PLXDC2: variants seen among roughly 807,000 people sequenced by gnomAD.
The protein encoded by PLXDC2 is plexin domain containing 2, also known as plexin domain-containing protein 2.
A neutral mutation model predicts 68.9 loss-of-function variants in PLXDC2; 40 were observed. The ratio of observed to expected loss-of-function variants is 0.58; its 90% CI spans 0.45 to 0.76. The LOEUF is 0.76. Among genes scored for constraint, PLXDC2 ranks in the 30% least tolerant of loss-of-function variants. The pLI is 0.00. For missense variants in PLXDC2, 644 were observed against 661.9 expected (o/e 0.97, Z 0.30); for synonymous variants, 243 against 234.2 (o/e 1.04, Z -0.34).
At chr10:19,906,339 A>G (rs1833157968) in intron 1 of PLXDC2, among the ~76,000 whole-genome samples, 1 of 152,206 alleles carries the variant, frequency 6.6e-6, no homozygotes, top group Non-Finnish European at 1.5e-5. Flanking sequence ...ACGCAGGGCC[A>G]CGTGGGGAAG....
At chr10:20,146,336 T>G (rs1323344951) in intron 5 of PLXDC2, among the ~76,000 whole-genome samples, 3 of 152,074 alleles carry the variant, frequency 2.0e-5, no homozygotes, top group African/African-American at 7.2e-5. Context: ...CTTCTTTTCT[T>G]TTCTCTTCCT....
intron 9 of PLXDC2, among the ~76,000 whole-genome samples, chr10:20,210,535 C>T (rs771904949): frequency 5.9e-5 from 9 of 152,098 alleles, no homozygotes; most frequent in Non-Finnish European, 1.3e-4. Context: ...TATGAGTGAA[C>T]AAAGTCTAAT....
chr10:19,838,327 A>T (rs1255079681), intron 1 of PLXDC2, among the ~76,000 whole-genome samples: 3 of 152,192 alleles, frequency 2.0e-5, no homozygotes, highest in Non-Finnish European at 2.9e-5. Flanking sequence ...GCTAGAATAG[A>T]TTATGGAATT....
chr10:20,219,310 C>T (rs544371663), intron 12 of PLXDC2, among the ~76,000 whole-genome samples: 4 of 152,242 alleles, frequency 2.6e-5, no homozygotes, highest in Middle Eastern at 6.8e-3. Context: ...AAAACTGTGA[C>T]ACCAATTCCC....
At chr10:19,931,240 C>T (rs79953550) in intron 1 of PLXDC2, among the ~76,000 whole-genome samples, 20 of 152,228 alleles carry the variant, frequency 1.3e-4, no homozygotes, top group East Asian at 1.9e-4. Flanking sequence ...GTCCTGAGGA[C>T]GGGCCAGCTT....
intron 1 of PLXDC2, among the ~76,000 whole-genome samples, chr10:19,932,218 T>A (rs1229047512): frequency 1.4e-4 from 21 of 152,220 alleles, no homozygotes. Context: ...TTATTCCTAC[T>A]CCTAATTTAT....
At chr10:20,055,769 T>C (rs550917475) in intron 3 of PLXDC2, among the ~76,000 whole-genome samples, 48 of 152,260 alleles carry the variant, frequency 3.2e-4, no homozygotes, top group Admixed American at 1.8e-3. Context: ...TAAAGTATTT[T>C]ACATACATAA....
intron 4 of PLXDC2, among the ~76,000 whole-genome samples, chr10:20,102,697 G>A (rs1833439084): frequency 6.6e-6 from 1 of 152,128 alleles, no homozygotes; most frequent in Non-Finnish European, 1.5e-5. Context: ...ACAAGATGGG[G>A]GAATCCTGTT....
intron 12 of PLXDC2, among the ~76,000 whole-genome samples, chr10:20,236,180 A>G (rs533691640): frequency 1.3e-5 from 2 of 152,166 alleles, no homozygotes; most frequent in South Asian, 4.2e-4. Context: ...AGCGACTCAC[A>G]CCTGTAATTC....
In PLXDC2 at chr10:20,001,787, G is replaced by C. The variant is rs1834943691; in HGVS notation, c.125G>C (p.Gly42Ala). Residue 42 changes from glycine (G) to alanine (A), a missense_variant, in exon 2 of 14, where the codon GGA becomes GCA. Physicochemically the swap from Gly to Ala is moderately conservative, Grantham distance 60. Transcript: ENST00000377252. ...PGDQILDWQY[G>A]VTQAFPHTEE... is the part of the protein sequence containing the mutation. ...CTTTTTCAAACAGATTGGCAGTATG[G>C]AGTTACTCAGGCCTTCCCTCACACA... 1 of 1,613,816 alleles carries C rather than the reference G, an allele frequency of 6.2e-7. No individual in the cohort carries two copies. Among genetic ancestry groups the C allele is most frequent in the Admixed American group, 1.7e-5 (1 of 59,972 alleles).
At chr10:20,208,135 A>G (rs974466094) in intron 9 of PLXDC2, among the ~76,000 whole-genome samples, 2 of 149,774 alleles carry the variant, frequency 1.3e-5, no homozygotes, top group African/African-American at 4.9e-5. Context: ...TAATATAATT[A>G]ACATGGATTT....
intron 12 of PLXDC2, among the ~76,000 whole-genome samples, chr10:20,228,716 A>C (rs1835319849): frequency 6.6e-6 from 1 of 152,074 alleles, no homozygotes; most frequent in Non-Finnish European, 1.5e-5. Flanking sequence ...CTAGAGAGGG[A>C]ATACAGGATT....
intron 13 of PLXDC2, among the ~76,000 whole-genome samples, chr10:20,279,203 C>T (rs1487928860): frequency 1.3e-5 from 2 of 152,022 alleles, no homozygotes; most frequent in African/African-American, 4.8e-5. Flanking sequence ...TTTCTTTTAG[C>T]TTATTTGCTA....
At chr10:19,995,149 C>A (rs1010778000) in intron 1 of PLXDC2, among the ~76,000 whole-genome samples, 2 of 152,144 alleles carry the variant, frequency 1.3e-5, no homozygotes, top group Admixed American at 1.3e-4. Flanking sequence ...TATTTTGAGA[C>A]ATCTCTGTAT....
intron 4 of PLXDC2, among the ~76,000 whole-genome samples, chr10:20,072,366 A>C (rs1181155240): frequency 1.3e-5 from 2 of 151,310 alleles, no homozygotes; most frequent in Non-Finnish European, 2.9e-5. Context: ...GCAAAACTCT[A>C]TCAAAAAAAA....
At chr10:20,068,022 A>G (rs1244888487) in intron 3 of PLXDC2, 148 bp from the exon 4 acceptor site, 1 of 583,490 alleles carries the variant, frequency 1.7e-6, no homozygotes. Context: ...ATTCTTTAGT[A>G]CGACCGAGGA....
intron 2 of PLXDC2, among the ~76,000 whole-genome samples, chr10:20,044,220 T>TCTTTCTTTCTTTC (rs1491351092): frequency 3.3e-3 from 54 of 16,312 alleles, no homozygotes; most frequent in African/African-American, 0.018. Context: ...TGTCTTTCTT[T>TCTTTCTTTCTTTC]CTTTCTTTCT....
rs1836096899 is a variant in PLXDC2, at chr10:20,282,675, AG to A, written c.*2858del. The A allele has an allele frequency of 6.6e-6, 1 of 152,194 alleles. No homozygotes were observed. Among genetic ancestry groups the A allele is most frequent in the African/African-American group, 2.4e-5 (1 of 41,456 alleles). The allele number at this position is 152,194 out of a possible 1,614,324, so 9.4% of individuals were successfully genotyped here. On this transcript the variant is annotated 3_prime_UTR_variant, in exon 14 of 14. Coordinates refer to ENST00000377252, the MANE Select transcript of PLXDC2 (RefSeq NM_032812.9). ...AGCCTACTGCTCAAGGTCATCACCA[AG>A]GTCTGGTTGCAAAAATTCAAAAAAT...
At chr10:20,279,482 CT>C (rs2119398163) in intron 13 of PLXDC2, among the ~76,000 whole-genome samples, 1 of 152,192 alleles carries the variant, frequency 6.6e-6, no homozygotes, top group East Asian at 1.9e-4. Flanking sequence ...GACAAATGGT[CT>C]TTCCTGTGAC....
Sources: allele counts gnomAD v4.1 joint callset (sites outside exome capture counted in the v4.1 genomes callset), GRCh38; gene constraint gnomAD v4.1.1; transcripts MANE v1.5; gene names NCBI Gene and HGNC (gene_info 2026-07-23, HGNC 2026-07-21).